Variants in SLC37A1 observed in about 807,000 individuals in gnomAD.
SLC37A1 encodes solute carrier family 37 member 1.
Under a neutral mutation model 75.3 loss-of-function variants are expected in SLC37A1, and 49 were observed. The observed-to-expected ratio is 0.65, with a 90% CI of 0.52 to 0.83. The LOEUF (loss-of-function observed/expected upper bound fraction) is 0.83. Ranked by LOEUF, SLC37A1 falls within the 40% of genes least tolerant of loss-of-function variation. The probability of loss-of-function intolerance (pLI) is 0.00; values close to 1 mark genes in which losing one functional copy is unlikely to be tolerated. For synonymous variants in SLC37A1, 268 were observed against 292.1 expected (o/e 0.92, Z 0.84); for missense variants, 566 against 695.0 (o/e 0.81, Z 2.09).
chr21:42,538,595 G>A (rs1183294190), intron 5 of SLC37A1, among the ~76,000 whole-genome samples: 5 of 152,306 alleles, frequency 3.3e-5, no homozygotes, highest in South Asian at 2.1e-4. Context: ...AAGGGCTCAC[G>A]TCCATCCGTG....
intron 2 of SLC37A1, among the ~76,000 whole-genome samples, chr21:42,521,886 T>A (rs966897822): frequency 3.9e-5 from 6 of 152,340 alleles, no homozygotes; most frequent in African/African-American, 1.4e-4. Context: ...AAGCTGGGTG[T>A]CTTGAAACAA....
intron 10 of SLC37A1, among the ~76,000 whole-genome samples, chr21:42,554,838 T>G (rs228088): frequency 6.6e-6 from 1 of 152,068 alleles, no homozygotes; most frequent in Non-Finnish European, 1.5e-5. Flanking sequence ...TTCCCATCAT[T>G]GATCCTTGTA....
At chr21:42,557,691 A>G (rs1435130899) in intron 10 of SLC37A1, among the ~76,000 whole-genome samples, 2 of 152,056 alleles carry the variant, frequency 1.3e-5, no homozygotes, top group Non-Finnish European at 2.9e-5. Flanking sequence ...GCCACCTGCC[A>G]CCCGGTTTCC....
intron 3 of SLC37A1, among the ~76,000 whole-genome samples, chr21:42,529,101 A>G (rs1455798948): frequency 5.3e-5 from 8 of 152,272 alleles, no homozygotes; most frequent in African/African-American, 1.9e-4. Flanking sequence ...CAAAAGATTA[A>G]CATATTTTAA....
intron 8 of SLC37A1, 134 bp downstream of exon 8, chr21:42,543,736 C>G: frequency 1.2e-6 from 1 of 844,162 alleles, no homozygotes; most frequent in Non-Finnish European, 1.8e-6. Context: ...CAGCGCTCTT[C>G]TTACCAGGGA....
Position 42,550,180 on chromosome 21 carries a change from G to A in SLC37A1, c.768+3040G>A, listed in dbSNP as rs182419525. 3.0e-3 allele frequency among the ~76,000 whole-genome samples: 454 copies of A among 152,304 alleles called. 1 individual carries two copies. The highest frequency in any genetic ancestry group is 5.1e-3 in the Non-Finnish European group (344 of 68,028). ...GTAGAGAAAATCAATGAAACCAAAAGTTGGTTCTTTGGAAAGATCAACAAA... is the reference window on the plus strand; with the variant it reads ...GTAGAGAAAATCAATGAAACCAAAAATTGGTTCTTTGGAAAGATCAACAAA... On this transcript the variant is annotated intron_variant, in intron 9 of 19. Transcript: ENST00000352133.
At chr21:42,554,238 T>A in intron 10 of SLC37A1, 96 bp downstream of exon 10, 1 of 1,035,072 alleles carries the variant, frequency 9.7e-7, no homozygotes, top group Non-Finnish European at 1.4e-6. Flanking sequence ...CTATGTGACA[T>A]GTGTCACAAA....
At chr21:42,515,162 A>G (rs1368556156) in intron 1 of SLC37A1, among the ~76,000 whole-genome samples, 1 of 152,234 alleles carries the variant, frequency 6.6e-6, no homozygotes, top group Non-Finnish European at 1.5e-5. Context: ...TACTTCAGCC[A>G]AGGGGAAAGA....
At chr21:42,510,439 A>G (rs568932933), upstream of SLC37A1, among the ~76,000 whole-genome samples, 1 of 152,354 alleles carries the variant, frequency 6.6e-6, no homozygotes, top group South Asian at 2.1e-4. Flanking sequence ...ATCACATTAG[A>G]AAGGAAGATA....
At chr21:42,519,239 G>A (rs1255311084) in intron 2 of SLC37A1, among the ~76,000 whole-genome samples, 1 of 152,192 alleles carries the variant, frequency 6.6e-6, no homozygotes, top group African/African-American at 2.4e-5. Flanking sequence ...CCCTCAAAGG[G>A]GCATTTAGAA....
rs77262286 is a variant in SLC37A1, at chr21:42,574,764, T to C, written c.1424-54T>C. The C allele has an allele frequency of 2.4e-4, 379 of 1,571,904 alleles. 2 individuals are homozygous for C. In the African/African-American group the frequency reaches 4.6e-3, roughly 19 times the overall value. On this transcript the variant is annotated intron_variant, in intron 17 of 19. Coordinates refer to ENST00000352133, the MANE Select transcript of SLC37A1 (RefSeq NM_001320537.2). The stretch of plus-strand genomic sequence containing the variant: ...CCCCATTCTCTGTGGCTGCTAGTTA[T>C]GTGCTGGGATTTTCTCTAAACAGCA...
At chr21:42,515,537 C>T (rs1038690053) in intron 1 of SLC37A1, among the ~76,000 whole-genome samples, 1 of 152,184 alleles carries the variant, frequency 6.6e-6, no homozygotes, top group Non-Finnish European at 1.5e-5. Flanking sequence ...CTAGGCAGCG[C>T]AGATCACATG....
chr21:42,543,396 C>T (rs2055330290), intron 7 of SLC37A1, 40 bp from the exon 8 acceptor site: 1 of 1,613,886 alleles, frequency 6.2e-7, no homozygotes, highest in Non-Finnish European at 8.5e-7. Flanking sequence ...GTTTCAGCTT[C>T]TCAGCTCCAT....
intron 11 of SLC37A1, chr21:42,561,774 T>C (rs528466792): frequency 3.2e-6 from 1 of 316,104 alleles, no homozygotes; most frequent in South Asian, 1.0e-4. Context: ...GTAGAAAATC[T>C]GGCCACGCTG....
chr21:42,553,182 G>A (rs866493260), intron 9 of SLC37A1, among the ~76,000 whole-genome samples: 3 of 152,130 alleles, frequency 2.0e-5, no homozygotes, highest in Admixed American at 6.5e-5. Context: ...CACAGTTAGC[G>A]TGCAAGCCTG....
intron 2 of SLC37A1, among the ~76,000 whole-genome samples, chr21:42,519,371 G>A (rs1029890160): frequency 6.6e-6 from 1 of 152,128 alleles, no homozygotes; most frequent in Non-Finnish European, 1.5e-5. Context: ...AGAACAGATG[G>A]GCGATGTGGT....
chr21:42,499,666 G>C (rs1341095867), exon 1 of SLC37A1: 1 of 152,250 alleles, frequency 6.6e-6, no homozygotes, highest in African/African-American at 2.4e-5. Context: ...CTGCAGGGAG[G>C]AGGGAGGGCC....
At chr21:42,567,190 G>A in intron 16 of SLC37A1, 132 bp downstream of exon 16, 1 of 851,234 alleles carries the variant, frequency 1.2e-6, no homozygotes, top group East Asian at 2.7e-5. Context: ...ACCTACACCT[G>A]TGGTCTCCAG....
chr21:42,514,418 C>A lies in SLC37A1; in HGVS notation c.-478C>A, dbSNP rs1293568035. On this transcript the variant is annotated 5_prime_UTR_variant, in exon 1 of 20. Coordinates refer to ENST00000352133, the MANE Select transcript of SLC37A1 (RefSeq NM_001320537.2). This position sits in a 1 kb window ranked among gnomAD's most constrained non-coding sequence, Gnocchi z 4.8. ...AGAGAGCCGGCAGGAGGGGACCCTG[C>A]GCATTGTCTGCCGCGATGGGGACGT... 2 of 152,188 alleles carry A rather than the reference C, an allele frequency of 1.3e-5. No homozygotes were observed. Among genetic ancestry groups the A allele is most frequent in the East Asian group, 1.9e-4 (1 of 5,158 alleles). 9.4% of individuals were successfully genotyped at this position (152,188 alleles called of 1,614,324 possible).
Sources: gnomAD v4.1 joint callset for allele counts (sites outside exome capture counted in the v4.1 genomes callset) on GRCh38, gnomAD v4.1.1 for gene constraint, Gnocchi (gnomAD v3.1) non-coding constraint, MANE v1.5 for transcripts, NCBI Gene and HGNC (gene_info 2026-07-23, HGNC 2026-07-21) for gene names.